Variants in OTP observed in about 807,000 individuals in gnomAD.
The protein encoded by OTP is homeobox protein orthopedia.
In OTP, 5 loss-of-function variants were observed where a neutral mutation model predicts 22.3. That is an observed-to-expected ratio of 0.22 (90% CI 0.12 to 0.47). The LOEUF (loss-of-function observed/expected upper bound fraction) is 0.47. Ranked by LOEUF, OTP falls within the 20% of genes least tolerant of loss-of-function variation. OTP has a pLI of 0.99. For synonymous variants in OTP, 229 were observed against 210.6 expected (o/e 1.09, Z -0.76); for missense variants, 428 against 456.2 (o/e 0.94, Z 0.56).
chr5:77,637,208 A>C lies in OTP; in HGVS notation c.60T>G (p.Leu20=). ...ACTTCACCGCCTCCCGGTGGCCCAG[A>C]AGCTCGGCGGCATCTTTCATACCTG... ...ARLGMKDAAE[L]LGHREAVKCR... is the part of the protein sequence containing the mutation. Residue 20 remains leucine (L), a synonymous_variant, in exon 2 of 3, where the codon CTT becomes CTG. Transcript: ENST00000306422. The C allele has an allele frequency of 6.5e-7, 1 of 1,529,988 alleles. No homozygotes were observed. The highest frequency in any genetic ancestry group is 8.8e-7 in the Non-Finnish European group (1 of 1,139,888). The allele number at this position is 1,529,988 out of a possible 1,614,324, so 94.8% of individuals were successfully genotyped here.
rs573060117 is a variant in OTP, at chr5:77,628,940, G to A, written c.*1324C>T. Reference sequence around the variant, plus strand: ...TATTTCACATATTTGTTCATTCTTAGAAAGCGCTTCTGTTCTCTGGGTTTG... The same window carrying A: ...TATTTCACATATTTGTTCATTCTTAAAAAGCGCTTCTGTTCTCTGGGTTTG... On this transcript the variant is annotated 3_prime_UTR_variant, in exon 3 of 3. Coordinates refer to ENST00000306422, the MANE Select transcript of OTP (RefSeq NM_032109.3). 1.0e-3 allele frequency: 153 copies of A among 152,734 alleles called. No homozygotes were observed. Among genetic ancestry groups the A allele is most frequent in the South Asian group, 1.0e-3 (5 of 4,826 alleles). The allele number at this position is 152,734 out of a possible 1,614,324, so 9.5% of individuals were successfully genotyped here.
chr5:77,630,584 G>C lies in OTP; in HGVS notation c.658C>G (p.Leu220Val), dbSNP rs1287826295. 8 of 1,561,640 alleles carry C rather than the reference G, an allele frequency of 5.1e-6. No individual in the cohort carries two copies. The highest frequency in any genetic ancestry group is 6.0e-6 in the Non-Finnish European group (7 of 1,159,282). Residue 220 changes from leucine (L) to valine (V), a missense_variant, in exon 3 of 3, where the codon CTG becomes GTG. Coordinates refer to ENST00000306422, the MANE Select transcript of OTP (RefSeq NM_032109.3). The stretch of plus-strand genomic sequence containing the variant: ...CTGCCCAGCGCCGGCGGCAGAGGCA[G>C]CTGTGACACGCCAGGCATGGCGGCC... ...AAAAMPGVSQ[L>V]PLPPALGRQQ...
At chr5:77,638,197 A>G (rs1398221969) in intron 1 of OTP, among the ~76,000 whole-genome samples, 1 of 151,294 alleles carries the variant, frequency 6.6e-6, no homozygotes, top group African/African-American at 2.4e-5. Flanking sequence ...GGAGAGGGAA[A>G]AAAGAGAGAG....
rs761225183 is a variant in OTP, at chr5:77,630,653, C to T, written c.589G>A (p.Asp197Asn). ...AAAAAAAAMG[D>N]SLCSFHANDT... ...TTGGCGTGGAAAGAGCACAGGCTGT[C>T]GCCCATGGCGGCGGCAGCGGCGGCG... Residue 197 changes from aspartate to asparagine, a missense_variant, in exon 3 of 3, where the codon GAC becomes AAC. Coordinates refer to ENST00000306422, the MANE Select transcript of OTP (RefSeq NM_032109.3). 6.3e-7 allele frequency: 1 copy of T among 1,576,858 alleles called. No homozygotes were observed. The highest frequency in any genetic ancestry group is 1.1e-5 in the South Asian group (1 of 88,384).
chr5:77,629,581 T>G lies in OTP; in HGVS notation c.*683A>C, dbSNP rs1376544441. 6.6e-6 allele frequency: 1 copy of G among 152,638 alleles called. No individual in the cohort carries two copies. Among genetic ancestry groups the G allele is most frequent in the Non-Finnish European group, 1.5e-5 (1 of 68,138 alleles). The allele number at this position is 152,638 out of a possible 1,614,324, so 9.5% of individuals were successfully genotyped here. A position where few individuals can be genotyped will look rare whatever the true frequency, so the allele number is the denominator to read the frequency against. Reference sequence around the variant, plus strand: ...GGTTGGTAGCAATGCTTGTCCTCCTTTAAGACAAAAATCCCTAACATTGTG... The same window carrying G: ...GGTTGGTAGCAATGCTTGTCCTCCTGTAAGACAAAAATCCCTAACATTGTG... On this transcript the variant is annotated 3_prime_UTR_variant, in exon 3 of 3. Coordinates refer to ENST00000306422, the MANE Select transcript of OTP (RefSeq NM_032109.3).
Position 77,630,391 on chromosome 5 carries a change from G to A in OTP, c.851C>T (p.Pro284Leu), listed in dbSNP as rs1180271212. The change falls in exon 3 of 3, where the codon CCC becomes CTC. Residue 284 changes from proline (P) to leucine (L), a missense_variant. Around this residue, in one of 3 missense-constraint regions of OTP, gnomAD observed 236 missense variants for 238.1 expected, o/e 0.99. Transcript: ENST00000306422. ...PGMVPASLPG[P>L]SNVSGSPQLC... ...CTGGGGCGAACCGGAGACGTTGCTG[G>A]GGCCGGGGAGGGAGGCGGGCACCAT... The A allele has an allele frequency of 6.3e-7, 1 of 1,579,806 alleles. No homozygotes were observed. The highest frequency in any genetic ancestry group is 1.2e-5 in the South Asian group (1 of 86,838).
intron 2 of OTP, chr5:77,636,617 C>A: frequency 1.8e-6 from 1 of 556,664 alleles, no homozygotes; most frequent in Non-Finnish European, 3.1e-6. Context: ...GCTATACTGG[C>A]CGGAGACGGG....
Position 77,637,188 on chromosome 5 carries a change from A to C in OTP, c.80T>G (p.Val27Gly). ...AAELLGHREA[V>G]KCRLGVGGSD... ...GCCCCCCACGCCCAGCCTACACTTC[A>C]CCGCCTCCCGGTGGCCCAGAAGCTC... Residue 27 changes from valine to glycine, a missense_variant, in exon 2 of 3, where the codon GTG becomes GGG. Val to Gly is a moderately radical substitution (Grantham distance 109, BLOSUM62 -3). Transcript: ENST00000306422. The C allele has an allele frequency of 1.3e-6, 2 of 1,550,498 alleles. No homozygotes were observed. Among genetic ancestry groups the C allele is most frequent in the South Asian group, 2.4e-5 (2 of 82,834 alleles).
rs1265024159 is a variant in OTP at position 77,637,071 on chromosome 5, A to C, written c.197T>G (p.Val66Gly). 6.2e-7 allele frequency: 1 copy of C among 1,613,386 alleles called. No homozygotes were observed. The highest frequency in any genetic ancestry group is 8.5e-7 in the Non-Finnish European group (1 of 1,179,828). ...CGCCAGCGAGGCCGGAGTAGAGCCC[A>C]CTGTGGTGATGTCCTCCCCGGGCAG... ...TLLPGEDITT[V>G]GSTPASLAVS... is the part of the protein sequence containing the mutation. Residue 66 changes from valine to glycine, a missense_variant, in exon 2 of 3, where the codon GTG (valine) becomes GGG (glycine). By Grantham distance (109) the Val-to-Gly change is moderately radical. Transcript: ENST00000306422.
At chr5:77,632,784 C>G (rs1484612337) in intron 2 of OTP, among the ~76,000 whole-genome samples, 2 of 152,126 alleles carry the variant, frequency 1.3e-5, no homozygotes, top group African/African-American at 4.8e-5. Context: ...CAGTTGCAGC[C>G]CGTGAGCTGG....
chr5:77,634,272 G>A (rs1211891977), intron 2 of OTP, among the ~76,000 whole-genome samples: 1 of 152,070 alleles, frequency 6.6e-6, no homozygotes, highest in Non-Finnish European at 1.5e-5. Context: ...AGCCATTCCA[G>A]GTTATAAATA....
chr5:77,631,181 A>G (rs1449275639), intron 2 of OTP, among the ~76,000 whole-genome samples: 6 of 152,226 alleles, frequency 3.9e-5, no homozygotes, highest in Non-Finnish European at 8.8e-5. Flanking sequence ...ATGAAGATAA[A>G]CGTGTACCCA....
In OTP at chr5:77,630,176, G is replaced by A. The variant is rs1312458690; in HGVS notation, c.*88C>T. The A allele has an allele frequency of 1.1e-4, 96 of 845,384 alleles. No individual in the cohort carries two copies. The highest frequency in any genetic ancestry group is 1.4e-4 in the Non-Finnish European group (92 of 635,874). 52.4% of individuals were successfully genotyped at this position (845,384 alleles called of 1,614,324 possible). A position where few individuals can be genotyped will look rare whatever the true frequency, so the allele number is the denominator to read the frequency against. The stretch of plus-strand genomic sequence containing the variant: ...CGAAGGCCGGGGCGGGACGGGGCAG[G>A]GCGCCGGGGTCCGGGTGCGCGCCGG... On this transcript the variant is annotated 3_prime_UTR_variant, in exon 3 of 3. Transcript: ENST00000306422.
Position 77,629,857 on chromosome 5 carries a change from A to C in OTP, c.*407T>G, listed in dbSNP as rs1199689517. 1 of 152,056 alleles carries C rather than the reference A, an allele frequency of 6.6e-6. No individual in the cohort carries two copies. The highest frequency in any genetic ancestry group is 2.8e-5 in the African/African-American group (1 of 36,332). 9.4% of individuals were successfully genotyped at this position (152,056 alleles called of 1,614,324 possible). A position where few individuals can be genotyped will look rare whatever the true frequency, so the allele number is the denominator to read the frequency against. ...GGGACCGGAGGGGAGGCGGCGGGCGAGGGGGGTCGTAGGCGTCGCGTCGAA... is the reference window on the plus strand; with the variant it reads ...GGGACCGGAGGGGAGGCGGCGGGCGCGGGGGGTCGTAGGCGTCGCGTCGAA... On this transcript the variant is annotated 3_prime_UTR_variant, in exon 3 of 3. Transcript: ENST00000306422.
intron 1 of OTP, among the ~76,000 whole-genome samples, chr5:77,637,821 C>T (rs1315753811): frequency 6.6e-6 from 1 of 152,158 alleles, no homozygotes; most frequent in East Asian, 1.9e-4. Flanking sequence ...GATTCCCAAT[C>T]CGGAAACCCA....
In OTP at chr5:77,629,055, C is replaced by T. The variant is rs1744876753; in HGVS notation, c.*1209G>A. On this transcript the variant is annotated 3_prime_UTR_variant, in exon 3 of 3. Transcript: ENST00000306422. Reference sequence around the variant, plus strand: ...ATGTCCGAGTGCCCCCATCGGCTGCCAGCAGGTGGCCGAGGGGCACGAGGG... The same window carrying T: ...ATGTCCGAGTGCCCCCATCGGCTGCTAGCAGGTGGCCGAGGGGCACGAGGG... 6.6e-6 allele frequency: 1 copy of T among 152,616 alleles called. No homozygotes were observed. The highest frequency in any genetic ancestry group is 6.5e-5 in the Admixed American group (1 of 15,286). The allele number at this position is 152,616 out of a possible 1,614,324, so 9.5% of individuals were successfully genotyped here. A position where few individuals can be genotyped will look rare whatever the true frequency, so the allele number is the denominator to read the frequency against.
rs1374837587 is a variant in OTP at position 77,630,227 on chromosome 5, C to A, written c.*37G>T. The A allele has an allele frequency of 7.1e-7, 1 of 1,399,424 alleles. No individual in the cohort carries two copies. 86.7% of individuals were successfully genotyped at this position (1,399,424 alleles called of 1,614,324 possible). On this transcript the variant is annotated 3_prime_UTR_variant, in exon 3 of 3. Transcript: ENST00000306422. ...AAGGGCCTCGGGGCGGCCCCCGGGG[C>A]GGTGCTGGGGGCGGAGCGGGCCGGG...
In OTP at chr5:77,630,278, T is replaced by G; in HGVS notation, c.964A>C (p.Met322Leu). 6.4e-7 allele frequency: 1 copy of G among 1,553,752 alleles called. No individual in the cohort carries two copies. Among genetic ancestry groups the G allele is most frequent in the South Asian group, 1.2e-5 (1 of 85,138 alleles). Residue 322 changes from methionine to leucine, a missense_variant, in exon 3 of 3, where the codon ATG becomes CTG. Transcript: ENST00000306422. ...GCGCGGCTGCATTAAGTGAAGCTCA[T>G]AGAGACTGTGTGCTCTAGCGCCTTG... ...RRKALEHTVSMSFT is the reference protein window; with the variant it reads ...RRKALEHTVSLSFT
chr5:77,637,318 C>G (rs544860202), intron 1 of OTP, 88 bp from the exon 2 acceptor site: 1 of 1,393,502 alleles, frequency 7.2e-7, no homozygotes, highest in African/African-American at 1.5e-5. Context: ...TCAACCCGTC[C>G]TCGGCCCCCT....
Sources: gnomAD v4.1 joint callset for allele counts (sites outside exome capture counted in the v4.1 genomes callset) on GRCh38, gnomAD v4.1.1 for gene constraint, gnomAD v4.1.1 regional missense constraint, MANE v1.5 for transcripts, NCBI Gene and HGNC (gene_info 2026-07-23, HGNC 2026-07-21) for gene names.